NCAPD3: variants seen among roughly 807,000 people sequenced by gnomAD.
NCAPD3 encodes condensin-2 complex subunit D3.
Under a neutral mutation model 182.9 loss-of-function variants are expected in NCAPD3, and 105 were observed. The observed-to-expected ratio is 0.57, with a 90% CI of 0.49 to 0.68. NCAPD3 has a LOEUF of 0.68. Among genes scored for constraint, NCAPD3 ranks in the 30% least tolerant of loss-of-function variants. The pLI is 0.00. For missense variants in NCAPD3, 1,944 were observed against 1,837.0 expected, an observed-to-expected ratio of 1.06 and a Z score of -1.07; for synonymous variants, 815 against 679.9, an observed-to-expected ratio of 1.20 and a Z score of -3.09.
At position 134,151,509 on chromosome 11, in the gene NCAPD3, G is replaced by A. The variant is rs977643638; in HGVS notation, c.*1435C>T. Reference sequence around the variant, plus strand: ...TCTACACTAGTGCCATGGGAACCAGGTCTGAAAAAGTAGAGAGAAGTGAAA... The same window carrying A: ...TCTACACTAGTGCCATGGGAACCAGATCTGAAAAAGTAGAGAGAAGTGAAA... On this transcript the variant is annotated 3_prime_UTR_variant, in exon 35 of 35. Coordinates refer to ENST00000534548, the MANE Select transcript of NCAPD3 (RefSeq NM_015261.3). The A allele has an allele frequency of 6.6e-6, 1 of 152,192 alleles. No homozygotes were observed. Among genetic ancestry groups the A allele is most frequent in the Non-Finnish European group, 1.5e-5 (1 of 68,038 alleles). 9.4% of individuals were successfully genotyped at this position (152,192 alleles called of 1,614,324 possible).
intron 4 of NCAPD3, chr11:134,209,880 C>T: frequency 4.4e-6 from 1 of 225,094 alleles, no homozygotes; most frequent in Non-Finnish European, 8.7e-6. Flanking sequence ...CATGGTGAAA[C>T]CCCATCTCTA....
rs988570638 is a variant in NCAPD3, at chr11:134,207,464, C to A, written c.883-732G>T. Among the ~76,000 whole-genome samples, 9 of 151,884 alleles carry A rather than the reference C, an allele frequency of 5.9e-5. No individual in the cohort carries two copies. The South Asian group carries it at 1.7e-3, about 28-fold the overall frequency. On this transcript the variant is annotated intron_variant, in intron 7 of 34. Coordinates refer to ENST00000534548, the MANE Select transcript of NCAPD3 (RefSeq NM_015261.3). ...GTACTTTCACAATTAAAAAAAAATA[C>A]CGACTGGGCGCAGTGGCTCACGCCT...
At chr11:134,176,461 C>G in intron 23 of NCAPD3, 75 bp from the exon 24 acceptor site, 1 of 1,263,246 alleles carries the variant, frequency 7.9e-7, no homozygotes, top group Non-Finnish European at 1.2e-6. Flanking sequence ...CCACACCCCA[C>G]CCACCACGCG....
At chr11:134,179,130 G>T (rs1475832924) in intron 20 of NCAPD3, among the ~76,000 whole-genome samples, 194 bp from the exon 21 acceptor site, 1 of 152,082 alleles carries the variant, frequency 6.6e-6, no homozygotes, top group African/African-American at 2.4e-5. Flanking sequence ...CAAAATTAGG[G>T]CAAGCATATA....
intron 7 of NCAPD3, among the ~76,000 whole-genome samples, chr11:134,208,037 A>G (rs1018063592): frequency 2.6e-5 from 4 of 152,184 alleles, no homozygotes; most frequent in East Asian, 1.9e-4. Flanking sequence ...CTTTTTGTCC[A>G]TAAGTGAAAT....
At chr11:134,158,119 G>A in intron 30 of NCAPD3, 52 bp from the exon 31 acceptor site, 2 of 1,595,478 alleles carry the variant, frequency 1.3e-6, no homozygotes, top group Non-Finnish European at 1.7e-6. Context: ...CCACTGCAGA[G>A]GTGACAGTGC....
intron 27 of NCAPD3, among the ~76,000 whole-genome samples, chr11:134,167,007 C>G (rs574418319): frequency 2.9e-5 from 3 of 104,916 alleles, no homozygotes; most frequent in African/African-American, 4.5e-5. Context: ...CTTAGGGGAG[C>G]TGCACACTCA....
chr11:134,181,187 A>G lies in NCAPD3; in HGVS notation c.2452-3T>C. 1 of 1,610,650 alleles carries G rather than the reference A, an allele frequency of 6.2e-7. No individual in the cohort carries two copies. Among genetic ancestry groups the G allele is most frequent in the Non-Finnish European group, 8.5e-7 (1 of 1,177,200 alleles). ...CCACACACCTGCGTCAGCAATTCCT[A>G]CGGCAAGTCAAAAGTCATCTCTGAA... On this transcript the variant is annotated splice_polypyrimidine_tract_variant and splice_region_variant and intron_variant, in intron 19 of 34. Transcript: ENST00000534548.
At chr11:134,190,187 C>T (rs994545511) in intron 16 of NCAPD3, among the ~76,000 whole-genome samples, 6 of 152,162 alleles carry the variant, frequency 3.9e-5, no homozygotes, top group Non-Finnish European at 5.9e-5. Context: ...AAGTTACATA[C>T]GACTATCCCT....
chr11:134,175,120 A>G (rs944328276), intron 24 of NCAPD3, among the ~76,000 whole-genome samples: 3 of 152,210 alleles, frequency 2.0e-5, no homozygotes, highest in African/African-American at 7.2e-5. Context: ...CTGAACACCC[A>G]TATGTACAAA....
chr11:134,223,256 T>A, intron 1 of NCAPD3: 1 of 590,376 alleles, frequency 1.7e-6, no homozygotes, highest in East Asian at 2.8e-5. Flanking sequence ...GCTAAAATAC[T>A]CCTGCAATTG....
At chr11:134,212,704 C>G (rs1274852174) in intron 3 of NCAPD3, among the ~76,000 whole-genome samples, 1 of 152,080 alleles carries the variant, frequency 6.6e-6, no homozygotes, top group Non-Finnish European at 1.5e-5. Context: ...GGAAAATACA[C>G]TGTTTTAAGG....
intron 27 of NCAPD3, among the ~76,000 whole-genome samples, chr11:134,164,953 G>C (rs1446491149): frequency 1.3e-5 from 2 of 150,270 alleles, no homozygotes; most frequent in Non-Finnish European, 3.0e-5. Context: ...ACACTCACTT[G>C]TGACATAAGC....
intron 13 of NCAPD3, among the ~76,000 whole-genome samples, chr11:134,201,334 C>G (rs779458941): frequency 2.0e-4 from 31 of 152,174 alleles, no homozygotes; most frequent in Non-Finnish European, 3.8e-4. Context: ...CCAGAATAGG[C>G]AATTTTATAA....
intron 16 of NCAPD3, among the ~76,000 whole-genome samples, chr11:134,187,633 G>A (rs1005451443): frequency 2.6e-5 from 4 of 151,656 alleles, no homozygotes; most frequent in African/African-American, 7.3e-5. Context: ...TTCTACCCAC[G>A]CCACTACTTC....
intron 4 of NCAPD3, 152 bp downstream of exon 4, chr11:134,210,118 G>A (rs141961392): frequency 4.5e-4 from 257 of 575,292 alleles, no homozygotes; most frequent in South Asian, 1.1e-3. Context: ...ATATGAAGCC[G>A]AAGACACAAA....
intron 1 of NCAPD3, among the ~76,000 whole-genome samples, chr11:134,221,665 T>G (rs1036478656): frequency 2.0e-5 from 3 of 152,228 alleles, no homozygotes; most frequent in Non-Finnish European, 4.4e-5. Context: ...TTCAAATTAA[T>G]ATTAAAAGTA....
chr11:134,172,915 T>G (rs1944048228), intron 24 of NCAPD3, among the ~76,000 whole-genome samples: 1 of 146,600 alleles, frequency 6.8e-6, no homozygotes, highest in Non-Finnish European at 1.5e-5. Flanking sequence ...TCACATGAAC[T>G]TGATTGAGCC....
At chr11:134,164,791 T>C (rs1320483161) in intron 27 of NCAPD3, among the ~76,000 whole-genome samples, 6 of 144,366 alleles carry the variant, frequency 4.2e-5, no homozygotes, top group Non-Finnish European at 7.5e-5. Context: ...ACTCGTGAAA[T>C]GAACTTAGGG....
Sources: gnomAD v4.1 joint callset for allele counts (sites outside exome capture counted in the v4.1 genomes callset) on GRCh38, gnomAD v4.1.1 for gene constraint, MANE v1.5 for transcripts, NCBI Gene and HGNC (gene_info 2026-07-23, HGNC 2026-07-21) for gene names.